VEZT: variants seen among roughly 807,000 people sequenced by gnomAD.
The protein encoded by VEZT is vezatin.
Under a neutral mutation model 79.9 loss-of-function variants are expected in VEZT, and 39 were observed. The observed-to-expected ratio is 0.49, with a 90% CI of 0.38 to 0.64. VEZT has a LOEUF of 0.64. Ranked by LOEUF, VEZT falls within the 30% of genes least tolerant of loss-of-function variation. The pLI, the probability that VEZT is intolerant of heterozygous loss-of-function variation, is 0.00. For synonymous variants in VEZT, 325 were observed against 327.6 expected (o/e 0.99, Z 0.09); for missense variants, 837 against 893.1 (o/e 0.94, Z 0.80).
chr12:95,238,874 G>A (rs1257376331), intron 1 of VEZT, among the ~76,000 whole-genome samples: 4 of 152,114 alleles, frequency 2.6e-5, no homozygotes, highest in African/African-American at 7.2e-5. Context: ...AACAATAAGA[G>A]ACTGGATAAA....
At chr12:95,244,898 A>G (rs913461807) in intron 1 of VEZT, among the ~76,000 whole-genome samples, 4 of 152,072 alleles carry the variant, frequency 2.6e-5, no homozygotes, top group Admixed American at 1.3e-4. Flanking sequence ...ATTTTGTAGC[A>G]TAAGATGACA....
chr12:95,252,084 G>C lies in VEZT; in HGVS notation c.168+13G>C. ...AGTCCTACCAAAAGTAAGAACGCAT[G>C]CTCATTCTTTCTGGCCGAATCTTTT... On this transcript the variant is annotated intron_variant, in intron 2 of 11. Transcript: ENST00000436874. The C allele has an allele frequency of 6.3e-7, 1 of 1,598,144 alleles. No individual in the cohort carries two copies. Among genetic ancestry groups the C allele is most frequent in the Non-Finnish European group, 8.5e-7 (1 of 1,174,784 alleles).
In VEZT at chr12:95,266,415, A is replaced by T; in HGVS notation, c.493A>T (p.Ile165Phe). Residue 165 changes from isoleucine (I) to phenylalanine (F), a missense_variant, in exon 5 of 12, where the codon ATT becomes TTT. Physicochemically the swap from Ile to Phe is conservative, Grantham distance 21. Transcript: ENST00000436874. ...GCTCGTTATGCTTCCCACTTGGTGG[A>T]TTGTGTCTTCCTGGCTGGTATGGGG... ...SLLVMLPTWWIVSSWLVWGVI... is the reference protein window; with the variant it reads ...SLLVMLPTWWFVSSWLVWGVI... 6.2e-7 allele frequency: 1 copy of T among 1,613,694 alleles called. No homozygotes were observed. Among genetic ancestry groups the T allele is most frequent in the Non-Finnish European group, 8.5e-7 (1 of 1,179,808 alleles).
chr12:95,236,425 GAGGGAGACTGTGGGAA>G (rs1177454613), intron 1 of VEZT, among the ~76,000 whole-genome samples: 1 of 152,168 alleles, frequency 6.6e-6, no homozygotes, highest in Non-Finnish European at 1.5e-5. Flanking sequence ...AAGAGAGGGA[GAGGGAGACTGTGGGAA>G]AGGGAGACTG....
In VEZT at chr12:95,296,433, G is replaced by A. The variant is rs1465255683; in HGVS notation, c.1831+175G>A. The A allele has an allele frequency of 2.4e-5, 11 of 459,720 alleles. No homozygotes were observed. In the East Asian group the frequency reaches 3.9e-4, roughly 16 times the overall value. The allele number at this position is 459,720 out of a possible 1,614,324, so 28.5% of individuals were successfully genotyped here. On this transcript the variant is annotated intron_variant, in intron 11 of 11. Transcript: ENST00000436874. Reference sequence around the variant, plus strand: ...ATTTGATTAATAAAAGAGTAGGAATGTAACCACATTGGAAATATGAAGTCA... The same window carrying A: ...ATTTGATTAATAAAAGAGTAGGAATATAACCACATTGGAAATATGAAGTCA...
chr12:95,255,107 A>G (rs2063255867), intron 2 of VEZT, among the ~76,000 whole-genome samples: 1 of 152,116 alleles, frequency 6.6e-6, no homozygotes, highest in African/African-American at 2.4e-5. Context: ...TGTGCCCCAC[A>G]AAGCTCAGAT....
At chr12:95,246,413 G>A (rs2061731491) in intron 1 of VEZT, among the ~76,000 whole-genome samples, 2 of 152,062 alleles carry the variant, frequency 1.3e-5, no homozygotes, top group Admixed American at 6.6e-5. Flanking sequence ...GTGAGCCACC[G>A]CACCCACCCA....
intron 6 of VEZT, among the ~76,000 whole-genome samples, chr12:95,270,885 G>A (rs2066456268): frequency 6.6e-6 from 1 of 152,202 alleles, no homozygotes; most frequent in South Asian, 2.1e-4. Context: ...CTTTATTTTA[G>A]TAAAGACATA....
chr12:95,272,596 T>C (rs1482347777), intron 6 of VEZT, among the ~76,000 whole-genome samples: 1 of 152,196 alleles, frequency 6.6e-6, no homozygotes, highest in Non-Finnish European at 1.5e-5. Flanking sequence ...ACCAGTAAGA[T>C]ATGTAAACCC....
chr12:95,272,183 A>G (rs1428368385), intron 6 of VEZT, among the ~76,000 whole-genome samples: 4 of 152,148 alleles, frequency 2.6e-5, no homozygotes, highest in Non-Finnish European at 5.9e-5. Context: ...AAACTAAAAT[A>G]AAATAATAAA....
intron 1 of VEZT, among the ~76,000 whole-genome samples, chr12:95,219,020 C>A (rs994363992): frequency 1.3e-5 from 2 of 151,956 alleles, no homozygotes; most frequent in Admixed American, 1.3e-4. Flanking sequence ...GAAAATGTGG[C>A]CATTTTACCG....
intron 1 of VEZT, 141 bp from the exon 2 acceptor site, chr12:95,251,797 CAG>C: frequency 1.7e-6 from 1 of 591,052 alleles, no homozygotes; most frequent in South Asian, 3.7e-5. Flanking sequence ...TGTATTATAA[CAG>C]ATAATTCAGT....
intron 3 of VEZT, among the ~76,000 whole-genome samples, chr12:95,260,991 G>A (rs1451496027): frequency 4.5e-5 from 6 of 132,842 alleles, no homozygotes; most frequent in Non-Finnish European, 9.4e-5. Context: ...CATGCAGAGT[G>A]TGTCAGTAGA....
chr12:95,279,732 C>G (rs937033611), intron 7 of VEZT, among the ~76,000 whole-genome samples: 48 of 152,268 alleles, frequency 3.2e-4, no homozygotes, highest in African/African-American at 1.1e-3. Context: ...GCTGGAACAA[C>G]AGTTATGTGC....
chr12:95,273,262 G>A (rs547323254), intron 6 of VEZT, among the ~76,000 whole-genome samples: 18 of 152,170 alleles, frequency 1.2e-4, no homozygotes, highest in African/African-American at 3.4e-4. Flanking sequence ...CAAAGTGCAC[G>A]GATTGGTATT....
At chr12:95,227,376 T>C (rs1378916613) in intron 1 of VEZT, among the ~76,000 whole-genome samples, 3 of 150,700 alleles carry the variant, frequency 2.0e-5, no homozygotes, top group Admixed American at 2.0e-4. Context: ...GTTTTGCTCT[T>C]GTCGCCCAGG....
In VEZT at chr12:95,272,679, A is replaced by G. The variant is rs144508752; in HGVS notation, c.849-2063A>G. Among the ~76,000 whole-genome samples, 299 of 152,386 alleles carry G rather than the reference A, an allele frequency of 2.0e-3. 8 individuals carry two copies. The highest frequency in any genetic ancestry group is 0.019 in the Admixed American group (284 of 15,308). On this transcript the variant is annotated intron_variant, in intron 6 of 11. Transcript: ENST00000436874. ...TGAGAACACAGTGATAACCATTGAT[A>G]TAGAAGACATTAAAATAACTGTAAG...
intron 5 of VEZT, 30 bp downstream of exon 5, chr12:95,266,662 A>G (rs757098666): frequency 1.1e-5 from 17 of 1,542,684 alleles, no homozygotes; most frequent in Admixed American, 3.8e-5. Context: ...TATTTCTTAA[A>G]TGATTATTTT....
intron 1 of VEZT, among the ~76,000 whole-genome samples, chr12:95,229,841 G>C (rs113655146): frequency 2.0e-5 from 3 of 152,062 alleles, no homozygotes; most frequent in African/African-American, 7.2e-5. Flanking sequence ...TGTAATCCCA[G>C]CACTTTCAGA....
Sources: allele counts gnomAD v4.1 joint callset (sites outside exome capture counted in the v4.1 genomes callset), GRCh38; gene constraint gnomAD v4.1.1; transcripts MANE v1.5; gene names NCBI Gene and HGNC (gene_info 2026-07-23, HGNC 2026-07-21).